The following LIPC variants were observed in gnomAD, a reference collection of about 807,000 sequenced individuals.
LIPC encodes the protein lipase C, hepatic type.
A neutral mutation model predicts 50.7 loss-of-function variants in LIPC; 44 were observed. That is an observed-to-expected ratio of 0.87 (90% CI 0.68 to 1.11). The LOEUF is 1.11. Ranked by LOEUF, LIPC falls within the 50% of genes most tolerant of loss-of-function variation. LIPC has a pLI of 0.00. For synonymous variants in LIPC, 271 were observed against 256.4 expected, an observed-to-expected ratio of 1.06 and a Z score of -0.54; for missense variants, 697 against 648.2, an observed-to-expected ratio of 1.08 and a Z score of -0.82.
At chr15:58,547,118 G>A (rs1231421500) in intron 5 of LIPC, among the ~76,000 whole-genome samples, 1 of 152,112 alleles carries the variant, frequency 6.6e-6, no homozygotes, top group Non-Finnish European at 1.5e-5. Flanking sequence ...TTGCTCTTTT[G>A]TGCTAAACTT....
chr15:58,553,909 G>C (rs539610505), intron 6 of LIPC, among the ~76,000 whole-genome samples: 1 of 151,948 alleles, frequency 6.6e-6, no homozygotes, highest in Non-Finnish European at 1.5e-5. Flanking sequence ...GAGGCATTTC[G>C]GGTCTAGGAA....
rs926653101 is a variant in LIPC, at chr15:58,568,870, C to A, written c.*43C>A. ...GTGTAAAGAATAAATGAATCTTACT[C>A]CTTATCTGGAATGGCTGCCTTATTT... On this transcript the variant is annotated 3_prime_UTR_variant, in exon 9 of 9. Transcript: ENST00000299022. 9.5e-6 allele frequency: 11 copies of A among 1,159,164 alleles called. No individual in the cohort carries two copies. In the African/African-American group the frequency reaches 1.7e-4, roughly 18 times the overall value. 71.8% of individuals were successfully genotyped at this position (1,159,164 alleles called of 1,614,324 possible).
intron 1 of LIPC, among the ~76,000 whole-genome samples, chr15:58,459,208 A>T (rs1361300473): frequency 6.6e-6 from 1 of 152,160 alleles, no homozygotes; most frequent in Non-Finnish European, 1.5e-5. Context: ...CCTCACTGCA[A>T]GACGACCTCT....
chr15:58,540,654 G>C (rs1893288841), intron 2 of LIPC, among the ~76,000 whole-genome samples: 1 of 152,078 alleles, frequency 6.6e-6, no homozygotes, highest in African/African-American at 2.4e-5. Flanking sequence ...CTATTGTCTA[G>C]CCTTCACCTC....
intron 1 of LIPC, among the ~76,000 whole-genome samples, chr15:58,465,165 ATT>A (rs1491063317): frequency 2.6e-5 from 4 of 152,176 alleles, no homozygotes; most frequent in Non-Finnish European, 4.4e-5. Context: ...GAAAAAGAAG[ATT>A]CTGTGTCAAG....
chr15:58,565,675 G>A (rs745380056), intron 8 of LIPC: 1 of 1,011,380 alleles, frequency 9.9e-7, no homozygotes, highest in Non-Finnish European at 1.2e-6. Flanking sequence ...CCATTTGTTG[G>A]GGGTGTGCTG....
intron 1 of LIPC, among the ~76,000 whole-genome samples, chr15:58,476,008 C>T (rs150197215): frequency 4.6e-5 from 7 of 152,364 alleles, no homozygotes; most frequent in East Asian, 1.9e-4. Context: ...AGATCATTTA[C>T]GGGATGGTTC....
chr15:58,556,384 C>T (rs1446792640), intron 6 of LIPC, among the ~76,000 whole-genome samples: 5 of 152,204 alleles, frequency 3.3e-5, no homozygotes, highest in Non-Finnish European at 5.9e-5. Context: ...AGGACCACAA[C>T]TTCTAGTTCT....
intron 1 of LIPC, among the ~76,000 whole-genome samples, chr15:58,439,609 A>G (rs1893435600): frequency 6.6e-6 from 1 of 152,040 alleles, no homozygotes; most frequent in Non-Finnish European, 1.5e-5. Context: ...ACGCCCAGCT[A>G]TTTTTTGTAC....
At chr15:58,518,676 G>T (rs904201939) in intron 1 of LIPC, among the ~76,000 whole-genome samples, 7 of 152,320 alleles carry the variant, frequency 4.6e-5, no homozygotes, top group African/African-American at 1.7e-4. Flanking sequence ...CAACGTGGAT[G>T]AATCTCACTT....
intron 4 of LIPC, among the ~76,000 whole-genome samples, chr15:58,544,335 T>C (rs1295321241): frequency 6.6e-6 from 1 of 151,808 alleles, no homozygotes; most frequent in Non-Finnish European, 1.5e-5. Flanking sequence ...TGCCGTCTTG[T>C]CATCAGCCTG....
chr15:58,437,304 T>A (rs1317068091), intron 1 of LIPC, among the ~76,000 whole-genome samples: 1 of 152,052 alleles, frequency 6.6e-6, no homozygotes, highest in Non-Finnish European at 1.5e-5. Flanking sequence ...AAGGGACCTG[T>A]GACCTCTGAA....
At chr15:58,504,488 T>C (rs1448657483) in intron 1 of LIPC, among the ~76,000 whole-genome samples, 2 of 151,960 alleles carry the variant, frequency 1.3e-5, no homozygotes, top group African/African-American at 4.8e-5. Context: ...GAATAAGGGG[T>C]CTTCCAGATG....
intron 1 of LIPC, among the ~76,000 whole-genome samples, chr15:58,448,210 T>C (rs1344150990): frequency 6.6e-6 from 1 of 152,186 alleles, no homozygotes; most frequent in Admixed American, 6.5e-5. Flanking sequence ...CACTCTCCTC[T>C]CACGTGGACT....
intron 1 of LIPC, chr15:58,523,340 G>A (rs1194255231): frequency 2.6e-5 from 4 of 151,366 alleles, no homozygotes; most frequent in Non-Finnish European, 4.4e-5. Flanking sequence ...GAAGGAAACT[G>A]ACCCCCTGAC....
At chr15:58,459,602 G>A (rs1232029555) in intron 1 of LIPC, among the ~76,000 whole-genome samples, 2 of 152,132 alleles carry the variant, frequency 1.3e-5, no homozygotes, top group Non-Finnish European at 2.9e-5. Flanking sequence ...GTCTTCTCTG[G>A]AGTCATATTA....
At chr15:58,517,553 T>G (rs1892522607) in intron 1 of LIPC, among the ~76,000 whole-genome samples, 1 of 152,140 alleles carries the variant, frequency 6.6e-6, no homozygotes, top group Non-Finnish European at 1.5e-5. Flanking sequence ...AGCTGCAGGC[T>G]TAGAGAATTG....
chr15:58,503,843 G>T (rs1304099293), intron 1 of LIPC, among the ~76,000 whole-genome samples: 5 of 152,138 alleles, frequency 3.3e-5, no homozygotes, highest in Non-Finnish European at 7.4e-5. Context: ...AGCAGCCTCT[G>T]AGTTTCCAGG....
At chr15:58,490,239 C>A (rs2140803918) in intron 1 of LIPC, among the ~76,000 whole-genome samples, 1 of 152,248 alleles carries the variant, frequency 6.6e-6, no homozygotes. Context: ...GGTATCAGGC[C>A]AGGGGAGATG....
Sources: allele counts gnomAD v4.1 joint callset (sites outside exome capture counted in the v4.1 genomes callset), GRCh38; gene constraint gnomAD v4.1.1; transcripts MANE v1.5; gene names NCBI Gene and HGNC (gene_info 2026-07-23, HGNC 2026-07-21).